ENO4: variants seen among roughly 807,000 people sequenced by gnomAD.
The protein encoded by ENO4 is 2-phospho-D-glycerate hydro-lyase.
Under a neutral mutation model 63.2 loss-of-function variants are expected in ENO4, and 53 were observed. The observed-to-expected ratio is 0.84, with a 90% CI of 0.67 to 1.05. The LOEUF is 1.05. Among genes scored for constraint, ENO4 ranks in the 50% least tolerant of loss-of-function variants. ENO4 has a pLI of 0.00. For missense variants in ENO4, 719 were observed against 772.0 expected (o/e 0.93, Z 0.81); for synonymous variants, 266 against 283.8 (o/e 0.94, Z 0.63).
At chr10:116,895,414 A>T (rs1193842123) in intron 10 of ENO4, among the ~76,000 whole-genome samples, 1 of 152,228 alleles carries the variant, frequency 6.6e-6, no homozygotes, top group Non-Finnish European at 1.5e-5. Flanking sequence ...AAATTGAAAT[A>T]ATTTCTTTCC....
chr10:116,897,925 TATTG>T (rs899522857), intron 10 of ENO4, among the ~76,000 whole-genome samples: 9 of 152,206 alleles, frequency 5.9e-5, no homozygotes, highest in Non-Finnish European at 1.5e-5. Flanking sequence ...TACAGGCTTT[TATTG>T]ATTAAAATAC....
chr10:116,906,564 A>T lies in ENO4; in HGVS notation c.1195-4935A>T, dbSNP rs928724257. 2.0e-6 allele frequency: 3 copies of T among 1,481,260 alleles called. No homozygotes were observed. In the African/African-American group the frequency reaches 4.3e-5, roughly 21 times the overall value. 91.8% of individuals were successfully genotyped at this position (1,481,260 alleles called of 1,614,324 possible). A position where few individuals can be genotyped will look rare whatever the true frequency, so the allele number is the denominator to read the frequency against. ...TTAAAAGATTGTTTCATGTAAAAAG[A>T]GACTTAGAAGAAGATGTTTCAGAGA... On this transcript the variant is annotated intron_variant, in intron 10 of 10. Coordinates refer to the ENO4 transcript ENST00000369207.
rs1365137973 is a variant in ENO4, at chr10:116,862,995, G to A, written c.990+143G>A. ...GCTTTGGGTTTCCCCCAAGAACCAA[G>A]TGTATCCATGTCCTCAGTGGCTATG... On this transcript the variant is annotated intron_variant, in intron 7 of 13. Transcript: ENST00000341276. 1.2e-5 allele frequency: 8 copies of A among 646,736 alleles called. No homozygotes were observed. The East Asian group carries it at 1.4e-4, about 11-fold the overall frequency. 40.1% of individuals were successfully genotyped at this position (646,736 alleles called of 1,614,324 possible).
intron 10 of ENO4, among the ~76,000 whole-genome samples, chr10:116,905,925 T>G (rs1847951976): frequency 6.6e-6 from 1 of 152,232 alleles, no homozygotes; most frequent in Non-Finnish European, 1.5e-5. Context: ...ACAGACCTAA[T>G]GTCACACAAA....
intron 11 of ENO4, among the ~76,000 whole-genome samples, chr10:116,876,655 A>G (rs1293600065): frequency 6.6e-6 from 1 of 152,216 alleles, no homozygotes; most frequent in Non-Finnish European, 1.5e-5. Flanking sequence ...AAATCTTTAA[A>G]TTTACAGAAA....
At chr10:116,898,642 A>G (rs1247640881) in intron 10 of ENO4, among the ~76,000 whole-genome samples, 2 of 152,194 alleles carry the variant, frequency 1.3e-5, no homozygotes, top group Non-Finnish European at 2.9e-5. Flanking sequence ...GACATAATTA[A>G]CAGGACACAT....
intron 10 of ENO4, 38 bp downstream of exon 10, chr10:116,874,239 A>G (rs1268097682): frequency 6.7e-7 from 1 of 1,483,960 alleles, no homozygotes; most frequent in Non-Finnish European, 9.1e-7. Context: ...AACATATTTT[A>G]TATGCCATAA....
intron 10 of ENO4, among the ~76,000 whole-genome samples, chr10:116,893,299 T>C (rs1009735329): frequency 3.3e-5 from 5 of 152,180 alleles, no homozygotes; most frequent in African/African-American, 1.2e-4. Context: ...CTAATTTTGT[T>C]GTTAAAACTT....
chr10:116,866,966 C>T (rs1241121861), intron 7 of ENO4, among the ~76,000 whole-genome samples: 1 of 152,128 alleles, frequency 6.6e-6, no homozygotes, highest in Non-Finnish European at 1.5e-5. Flanking sequence ...CGCGATTCTT[C>T]TATTAAGTCT....
chr10:116,860,745 A>G (rs1846386981), intron 4 of ENO4, 49 bp from the exon 5 acceptor site: 1 of 1,242,156 alleles, frequency 8.1e-7, no homozygotes, highest in Non-Finnish European at 1.0e-6. Flanking sequence ...TCCATCTGTA[A>G]GTAAAGCATT....
intron 10 of ENO4, among the ~76,000 whole-genome samples, chr10:116,905,156 T>C (rs1847916680): frequency 6.8e-6 from 1 of 146,030 alleles, no homozygotes; most frequent in African/African-American, 2.6e-5. Context: ...GAGCCGAGAT[T>C]GCGCCACTGC....
At chr10:116,908,091 ATT>A (rs1162801766) in intron 10 of ENO4, among the ~76,000 whole-genome samples, 1 of 152,108 alleles carries the variant, frequency 6.6e-6, no homozygotes, top group East Asian at 1.9e-4. Flanking sequence ...TGTTTAGGGA[ATT>A]TTTTCCCTAA....
intron 10 of ENO4, among the ~76,000 whole-genome samples, chr10:116,891,034 C>G (rs11812450): frequency 0.051 from 7,781 of 152,260 alleles, 652 homozygotes; most frequent in African/African-American, 0.17. Context: ...CAAAAGAGCC[C>G]TAATAGACGT....
At chr10:116,857,962 G>T (rs1296828603) in intron 3 of ENO4, among the ~76,000 whole-genome samples, 1 of 152,074 alleles carries the variant, frequency 6.6e-6, no homozygotes, top group Non-Finnish European at 1.5e-5. Flanking sequence ...ATAGTTTTGG[G>T]TTTTCTTGGA....
intron 10 of ENO4, among the ~76,000 whole-genome samples, chr10:116,887,796 G>A (rs769873109): frequency 2.6e-5 from 4 of 152,136 alleles, no homozygotes; most frequent in African/African-American, 9.7e-5. Flanking sequence ...TGGACTAAAC[G>A]AATGGGCAAA....
intron 6 of ENO4, among the ~76,000 whole-genome samples, chr10:116,862,003 C>T (rs1589753703): frequency 6.6e-6 from 1 of 152,128 alleles, no homozygotes; most frequent in Non-Finnish European, 1.5e-5. Flanking sequence ...ATCTGTTGAG[C>T]TGTTTGCATA....
intron 3 of ENO4, among the ~76,000 whole-genome samples, chr10:116,858,572 G>C (rs1846332913): frequency 6.6e-6 from 1 of 151,800 alleles, no homozygotes; most frequent in African/African-American, 2.4e-5. Flanking sequence ...TTAACCCTAA[G>C]TGTCAAGAAA....
In ENO4 at chr10:116,868,818, G is replaced by A; in HGVS notation, c.1047+112G>A. ...CTCCAAGACCAGGACTGAGGCAAAT[G>A]GAAACCATATAGTGATATTGCTCCA... On this transcript the variant is annotated intron_variant, in intron 8 of 13. Transcript: ENST00000341276. 6.4e-6 allele frequency: 6 copies of A among 930,274 alleles called. No homozygotes were observed. In the South Asian group the frequency reaches 8.6e-5, roughly 13 times the overall value. The allele number at this position is 930,274 out of a possible 1,614,324, so 57.6% of individuals were successfully genotyped here.
intron 13 of ENO4, 141 bp from the exon 14 acceptor site, chr10:116,881,374 T>C (rs1049803635): frequency 1.6e-5 from 10 of 607,808 alleles, no homozygotes; most frequent in Non-Finnish European, 2.8e-5. Context: ...ATACGCCCAG[T>C]TGTAAATGGT....
Sources: allele counts gnomAD v4.1 joint callset (sites outside exome capture counted in the v4.1 genomes callset), GRCh38; gene constraint gnomAD v4.1.1; transcripts MANE v1.5; gene names NCBI Gene and HGNC (gene_info 2026-07-23, HGNC 2026-07-21).